Variants in OLR1 observed in about 807,000 individuals in gnomAD.
OLR1 encodes oxidized low density lipoprotein receptor 1, also known as oxidized low-density lipoprotein receptor 1.
A neutral mutation model predicts 31.7 loss-of-function variants in OLR1; 23 were observed. The ratio of observed to expected loss-of-function variants is 0.72; its 90% CI spans 0.52 to 1.03. The LOEUF is 1.03. Ranked by LOEUF, OLR1 falls within the 50% of genes least tolerant of loss-of-function variation. OLR1 has a pLI of 0.00. For synonymous variants in OLR1, 117 were observed against 115.8 expected, an observed-to-expected ratio of 1.01 and a Z score of -0.07; for missense variants, 286 against 315.7, an observed-to-expected ratio of 0.91 and a Z score of 0.71.
chr12:10,170,625 G>A (rs1016890898), intron 1 of OLR1: 1 of 151,460 alleles, frequency 6.6e-6, no homozygotes, highest in Non-Finnish European at 1.5e-5. Flanking sequence ...CTGAGCAGCT[G>A]GGATTGCAGC....
chr12:10,174,424 A>G (rs1948751389), upstream of OLR1, among the ~76,000 whole-genome samples: 1 of 152,148 alleles, frequency 6.6e-6, no homozygotes. Context: ...TGAGATTAAC[A>G]TATTAATCAG....
intron 1 of OLR1, among the ~76,000 whole-genome samples, chr12:10,171,587 T>C (rs1948718135): frequency 6.6e-6 from 1 of 152,182 alleles, no homozygotes; most frequent in South Asian, 2.1e-4. Flanking sequence ...AGCCCTCCGA[T>C]GTATAGAATT....
In OLR1 at chr12:10,166,756, T is replaced by A. The variant is rs1169295891; in HGVS notation, c.380A>T (p.Asn127Ile). 1 of 1,614,042 alleles carries A rather than the reference T, an allele frequency of 6.2e-7. No homozygotes were observed. Reference protein sequence around the residue: ...SKEQMELHHQNLNLQETLKRV... With the variant: ...SKEQMELHHQILNLQETLKRV... Reference sequence around the variant, plus strand: ...CTTCAGTGTTTCTTGGAGATTCAGATTCTGGTGGTGAAGTTCCATTTGCTC... The same window carrying A: ...CTTCAGTGTTTCTTGGAGATTCAGAATCTGGTGGTGAAGTTCCATTTGCTC... Residue 127 changes from asparagine to isoleucine, a missense_variant, in exon 3 of 6, where the codon AAT becomes ATT. Transcript: ENST00000309539.
rs201604216 is a variant in OLR1 at position 10,160,336 on chromosome 12, G to A, written c.680+11C>T. 8 of 1,601,216 alleles carry A rather than the reference G, an allele frequency of 5.0e-6. No individual in the cohort carries two copies. The East Asian group carries it at 1.8e-4, about 36-fold the overall frequency. Reference sequence around the variant, plus strand: ...TGACGAGAGAGGCATCAAAAAGAATGGGAAACTTACAAGTGGGGCATCAAA... The same window carrying A: ...TGACGAGAGAGGCATCAAAAAGAATAGGAAACTTACAAGTGGGGCATCAAA... On this transcript the variant is annotated intron_variant, in intron 5 of 5. Coordinates refer to ENST00000309539, the MANE Select transcript of OLR1 (RefSeq NM_002543.4).
intron 3 of OLR1, among the ~76,000 whole-genome samples, chr12:10,162,986 TAAAC>T (rs1014477102): frequency 2.2e-4 from 33 of 151,450 alleles, no homozygotes; most frequent in African/African-American, 7.8e-4. Context: ...TACACAAAAA[TAAAC>T]AGAGTAAGTG....
rs765382213 is a variant in OLR1 at position 10,172,119 on chromosome 12, A to G, written c.-42T>C. 7.4e-6 allele frequency: 10 copies of G among 1,351,530 alleles called. No individual in the cohort carries two copies. In the East Asian group the frequency reaches 1.6e-4, roughly 22 times the overall value. The allele number at this position is 1,351,530 out of a possible 1,614,324, so 83.7% of individuals were successfully genotyped here. A position where few individuals can be genotyped will look rare whatever the true frequency, so the allele number is the denominator to read the frequency against. ...AGAATGAGAGAGTGAAGCAGTCACG[A>G]ACTTCAACAAACTAAAAATATGTGA... On this transcript the variant is annotated 5_prime_UTR_variant, in exon 1 of 6. Transcript: ENST00000309539.
In OLR1 at chr12:10,159,807, A is replaced by C; in HGVS notation, c.*73T>G. On this transcript the variant is annotated 3_prime_UTR_variant, in exon 6 of 6. Transcript: ENST00000309539. ...TTCTGGGCTCTCATGTTTGGCACCC[A>C]AGTGACAAAGAATAGCTTAAATTCC... The C allele has an allele frequency of 6.9e-7, 1 of 1,449,910 alleles. No individual in the cohort carries two copies. Among genetic ancestry groups the C allele is most frequent in the Non-Finnish European group, 9.3e-7 (1 of 1,075,298 alleles). 89.8% of individuals were successfully genotyped at this position (1,449,910 alleles called of 1,614,324 possible).
At chr12:10,162,365 G>C (rs1312675544) in intron 3 of OLR1, among the ~76,000 whole-genome samples, 2 of 152,108 alleles carry the variant, frequency 1.3e-5, no homozygotes, top group African/African-American at 4.8e-5. Flanking sequence ...AAATAGGAGG[G>C]ACTGAAAAAC....
intron 1 of OLR1, among the ~76,000 whole-genome samples, chr12:10,171,265 T>A (rs1948714008): frequency 6.6e-6 from 1 of 152,234 alleles, no homozygotes; most frequent in Non-Finnish European, 1.5e-5. Context: ...ACAATACTTG[T>A]CTCTCTTTCT....
intron 5 of OLR1, 74 bp from the exon 6 acceptor site, chr12:10,160,095 C>T (rs946632188): frequency 6.8e-7 from 1 of 1,479,118 alleles, no homozygotes; most frequent in Non-Finnish European, 9.1e-7. Flanking sequence ...AGAAACTTAG[C>T]TTTTGAAACT....
At chr12:10,160,624 G>T (rs1272467668) in intron 4 of OLR1, 162 bp from the exon 5 acceptor site, 9 of 1,003,522 alleles carry the variant, frequency 9.0e-6, no homozygotes, top group Admixed American at 2.1e-5. Flanking sequence ...AGATACTACA[G>T]AGCCTGTCCG....
At chr12:10,173,001 G>A (rs1431768807), upstream of OLR1, among the ~76,000 whole-genome samples, 1 of 152,092 alleles carries the variant, frequency 6.6e-6, no homozygotes, top group African/African-American at 2.4e-5. Context: ...AAAATGACAA[G>A]CTTTGTACTT....
Position 10,159,018 on chromosome 12 carries a change from T to C in OLR1, c.*862A>G, listed in dbSNP as rs1948597393. ...TTTTTTGTCTTGTATGTTTCGGAAT[T>C]ATAGCATAGCAAAACAGAGTTGAGA... On this transcript the variant is annotated 3_prime_UTR_variant, in exon 6 of 6. Coordinates refer to ENST00000309539, the MANE Select transcript of OLR1 (RefSeq NM_002543.4). 6.6e-6 allele frequency: 1 copy of C among 152,188 alleles called. No homozygotes were observed. The highest frequency in any genetic ancestry group is 6.5e-5 in the Admixed American group (1 of 15,270). The allele number at this position is 152,188 out of a possible 1,614,324, so 9.4% of individuals were successfully genotyped here.
chr12:10,174,867 G>A (rs531530397), upstream of OLR1, among the ~76,000 whole-genome samples: 2 of 152,202 alleles, frequency 1.3e-5, no homozygotes, highest in East Asian at 3.9e-4. Context: ...ATTTTATTTA[G>A]CATTATGTCT....
Position 10,169,132 on chromosome 12 carries a change from C to T in OLR1, c.120G>A (p.Ala40=), listed in dbSNP as rs367700214. 3.1e-6 allele frequency: 5 copies of T among 1,613,816 alleles called. No individual in the cohort carries two copies. Among genetic ancestry groups the T allele is most frequent in the African/African-American group, 2.7e-5 (2 of 74,874 alleles). The change falls in exon 2 of 6, where the codon GCG becomes GCA. Residue 40 remains alanine, a synonymous_variant. Transcript: ENST00000309539. ...LYSPWWCLAA[A]TLGVLCLGLV... The stretch of plus-strand genomic sequence containing the variant: ...ATCCCAGGCAAAGGACCCCTAGAGT[C>T]GCAGCAGCCAGGCACCACCATGGAG...
In OLR1 at chr12:10,160,526, G is replaced by T; in HGVS notation, c.565-64C>A. 3.0e-6 allele frequency: 4 copies of T among 1,316,266 alleles called. No homozygotes were observed. In the South Asian group the frequency reaches 3.7e-5, roughly 12 times the overall value. The allele number at this position is 1,316,266 out of a possible 1,614,324, so 81.5% of individuals were successfully genotyped here. ...TGGTGGTTTTAGAATCTGAAAGTCAGTTAGTGTTGGATCCACAAAACTAAA... is the reference window on the plus strand; with the variant it reads ...TGGTGGTTTTAGAATCTGAAAGTCATTTAGTGTTGGATCCACAAAACTAAA... On this transcript the variant is annotated intron_variant, in intron 4 of 5. Transcript: ENST00000309539.
At position 10,172,052 on chromosome 12, in the gene OLR1, T is replaced by C; in HGVS notation, c.26A>G (p.Gln9Arg). MTFDDLKIQTVKDQPDEKS... is the reference protein window; with the variant it reads MTFDDLKIRTVKDQPDEKS... Reference sequence around the variant, plus strand: ...CTCATCAGGCTGGTCCTTCACAGTCTGGATCTTTAGGTCATCAAAAGTCAT... The same window carrying C: ...CTCATCAGGCTGGTCCTTCACAGTCCGGATCTTTAGGTCATCAAAAGTCAT... The change falls in exon 1 of 6, where the codon CAG becomes CGG. Residue 9 changes from glutamine to arginine, a missense_variant. Physicochemically the swap from Gln to Arg is conservative, Grantham distance 43. Coordinates refer to ENST00000309539, the MANE Select transcript of OLR1 (RefSeq NM_002543.4). The C allele has an allele frequency of 6.2e-7, 1 of 1,613,910 alleles. No individual in the cohort carries two copies. Among genetic ancestry groups the C allele is most frequent in the Non-Finnish European group, 8.5e-7 (1 of 1,179,866 alleles).
chr12:10,162,500 G>T (rs1421507476), intron 3 of OLR1, among the ~76,000 whole-genome samples: 1 of 152,174 alleles, frequency 6.6e-6, no homozygotes, highest in East Asian at 1.9e-4. Context: ...TTCTTAGTTT[G>T]CCTAACCCCA....
chr12:10,172,357 A>G (rs1948730456), upstream of OLR1: 2 of 309,688 alleles, frequency 6.5e-6, no homozygotes, highest in Non-Finnish European at 1.2e-5. Flanking sequence ...ATTTTTCATG[A>G]GCATCAGAGG....
Sources: allele counts gnomAD v4.1 joint callset (sites outside exome capture counted in the v4.1 genomes callset), GRCh38; gene constraint gnomAD v4.1.1; transcripts MANE v1.5; gene names NCBI Gene and HGNC (gene_info 2026-07-23, HGNC 2026-07-21).